Variants in CUX1 observed in about 807,000 individuals in gnomAD.
The protein encoded by CUX1 is protein CASP.
Under a neutral mutation model 158.8 loss-of-function variants are expected in CUX1, and 31 were observed. The observed-to-expected ratio is 0.20, with a 90% CI of 0.15 to 0.26. The LOEUF is 0.26. Ranked by LOEUF, CUX1 falls within the 10% of genes least tolerant of loss-of-function variation. The pLI, the probability that CUX1 is intolerant of heterozygous loss-of-function variation, is 1.00. For synonymous variants in CUX1, 879 were observed against 862.1 expected (o/e 1.02, Z -0.34); for missense variants, 1,589 against 2,014.6 (o/e 0.79, Z 4.04).
Position 102,051,100 on chromosome 7 carries a change from T to A in CUX1, c.190-19239T>A, listed in dbSNP as rs563739600. On this transcript the variant is annotated intron_variant, in intron 3 of 23. Coordinates refer to ENST00000292535, the MANE Select transcript of CUX1 (RefSeq NM_181552.4). ...GCACCTCCCTCCACAGGCTGGCCCC[T>A]GCCTGCCTCCTCACCTCACGTATCC... Among the ~76,000 whole-genome samples, 10 of 152,200 alleles carry A rather than the reference T, an allele frequency of 6.6e-5. No individual in the cohort carries two copies. In the East Asian group the frequency reaches 1.9e-3, roughly 29 times the overall value.
intron 11 of CUX1, among the ~76,000 whole-genome samples, chr7:102,184,433 T>C (rs1793433942): frequency 6.6e-6 from 1 of 152,200 alleles, no homozygotes. Flanking sequence ...TGGCACTTGA[T>C]CATCCTACAT....
chr7:101,891,647 C>G (rs2131645018), intron 1 of CUX1, among the ~76,000 whole-genome samples: 1 of 152,314 alleles, frequency 6.6e-6, no homozygotes, highest in South Asian at 2.1e-4. Context: ...TTAGCAGGGT[C>G]ATAGAAGACG....
intron 1 of CUX1, among the ~76,000 whole-genome samples, chr7:101,879,450 C>G (rs190604071): frequency 6.6e-6 from 1 of 152,356 alleles, no homozygotes; most frequent in East Asian, 1.9e-4. Context: ...TGCAACTTTT[C>G]GCTTTATTGT....
At chr7:101,882,020 AAT>A (rs149497500) in intron 1 of CUX1, among the ~76,000 whole-genome samples, 15,436 of 71,774 alleles carry the variant, frequency 0.22, 981 homozygotes, top group Non-Finnish European at 0.25. Flanking sequence ...TCTACCCAAA[AAT>A]AAAAAAAAAA....
intron 3 of CUX1, among the ~76,000 whole-genome samples, chr7:102,063,579 G>A (rs1825196495): frequency 6.6e-6 from 1 of 151,878 alleles, no homozygotes; most frequent in Non-Finnish European, 1.5e-5. Flanking sequence ...AGTCAAGAGA[G>A]ACGAGGTTTC....
At chr7:101,852,667 A>T (rs1254560922) in intron 1 of CUX1, among the ~76,000 whole-genome samples, 50 of 76,038 alleles carry the variant, frequency 6.6e-4, no homozygotes, top group Admixed American at 1.4e-3. Context: ...CTGCGTTGGA[A>T]TTTTTTTTTT....
intron 15 of CUX1, 124 bp from the exon 16 acceptor site, chr7:102,198,678 G>T: frequency 1.3e-6 from 1 of 794,528 alleles, no homozygotes; most frequent in Non-Finnish European, 2.1e-6. Flanking sequence ...CTCCCGAGTT[G>T]CACAGGCAGC....
chr7:102,266,218 A>G (rs1790801636), intron 14 of CUX1, among the ~76,000 whole-genome samples: 1 of 150,332 alleles, frequency 6.7e-6, no homozygotes, highest in Non-Finnish European at 1.5e-5. Context: ...AAAAAAAAAA[A>G]AAGAGAGAGA....
At chr7:101,870,153 GTTT>G (rs1223133668) in intron 1 of CUX1, among the ~76,000 whole-genome samples, 1 of 104,054 alleles carries the variant, frequency 9.6e-6, no homozygotes. Context: ...TGTTTTTTTT[GTTT>G]TTTTTTTTTT....
rs143269816 is a variant in CUX1 at position 102,052,610 on chromosome 7, C to T, written c.190-17729C>T. On this transcript the variant is annotated intron_variant, in intron 3 of 23. Coordinates refer to ENST00000292535, the MANE Select transcript of CUX1 (RefSeq NM_181552.4). ...TAATGCTTCTATGAACATCCATATACATAAGTTTTTGTGCAGGTAAACACT... is the reference window on the plus strand; with the variant it reads ...TAATGCTTCTATGAACATCCATATATATAAGTTTTTGTGCAGGTAAACACT... Among the ~76,000 whole-genome samples the T allele has an allele frequency of 1.0e-3, 155 of 152,274 alleles. No individual in the cohort carries two copies. In the Middle Eastern group the frequency reaches 0.02, roughly 20 times the overall value.
intron 3 of CUX1, among the ~76,000 whole-genome samples, chr7:102,048,435 G>C (rs1187241581): frequency 1.3e-5 from 2 of 152,178 alleles, no homozygotes; most frequent in African/African-American, 2.4e-5. Flanking sequence ...CGGTTGGAAG[G>C]CGTGGTAGTG....
chr7:102,255,799 T>C lies in CUX1; in HGVS notation c.*6757T>C. The C allele has an allele frequency of 4.1e-6, 4 of 985,128 alleles. No homozygotes were observed. The highest frequency in any genetic ancestry group is 4.8e-6 in the Non-Finnish European group (4 of 829,686). 61.0% of individuals were successfully genotyped at this position (985,128 alleles called of 1,614,324 possible). A position where few individuals can be genotyped will look rare whatever the true frequency, so the allele number is the denominator to read the frequency against. On this transcript the variant is annotated 3_prime_UTR_variant, in exon 24 of 24. Transcript: ENST00000292535. Reference sequence around the variant, plus strand: ...CGGAGCTGCTTTTGTTTTATAATTCTTTTTTCCCCCCTTTTCCTTCTTCTT... The same window carrying C: ...CGGAGCTGCTTTTGTTTTATAATTCCTTTTTCCCCCCTTTTCCTTCTTCTT...
chr7:101,876,992 C>T (rs1260424543), intron 1 of CUX1, among the ~76,000 whole-genome samples: 2 of 152,166 alleles, frequency 1.3e-5, no homozygotes, highest in Admixed American at 6.5e-5. Flanking sequence ...TATCCTTGTA[C>T]ATCCGTGCAG....
intron 6 of CUX1, among the ~76,000 whole-genome samples, chr7:102,110,459 C>T (rs961952769): frequency 6.6e-6 from 1 of 152,086 alleles, no homozygotes; most frequent in Non-Finnish European, 1.5e-5. Flanking sequence ...TAGCTTGTTA[C>T]GTGTTAGTTC....
rs1792054158 is a variant in CUX1, at chr7:101,817,895, G to A, written c.30+226G>A. Among the ~76,000 whole-genome samples, 2 of 152,240 alleles carry A rather than the reference G, an allele frequency of 1.3e-5. No individual in the cohort carries two copies. The highest frequency in any genetic ancestry group is 4.8e-5 in the African/African-American group (2 of 41,462). On this transcript the variant is annotated intron_variant, in intron 1 of 23. Coordinates refer to ENST00000292535, the MANE Select transcript of CUX1 (RefSeq NM_181552.4). The surrounding 1 kb of genome is among the most constrained non-coding windows in gnomAD (Gnocchi z 4.1). The stretch of plus-strand genomic sequence containing the variant: ...AACTTTCCTAACCTGGAGGACTGGT[G>A]ACAGTGACCTACCGCAATACCTTTG...
downstream of CUX1, among the ~76,000 whole-genome samples, chr7:102,260,476 G>A (rs953265480): frequency 1.1e-3 from 122 of 109,840 alleles, 2 homozygotes; most frequent in Non-Finnish European, 8.4e-4. Context: ...GTACAATCTC[G>A]GCTCGCTGCA....
Position 102,183,310 on chromosome 7 carries a change from G to A in CUX1, c.1017+4653G>A, listed in dbSNP as rs572877422. Among the ~76,000 whole-genome samples, 7 of 152,022 alleles carry A rather than the reference G, an allele frequency of 4.6e-5. No homozygotes were observed. In the South Asian group the frequency reaches 8.3e-4, roughly 18 times the overall value. ...ATTACAGGCGTGAGCCATCGCGCCCGGCCCCATCTCTTAATTTTTTTTTTT... is the reference window on the plus strand; with the variant it reads ...ATTACAGGCGTGAGCCATCGCGCCCAGCCCCATCTCTTAATTTTTTTTTTT... On this transcript the variant is annotated intron_variant, in intron 11 of 23. Transcript: ENST00000292535.
chr7:102,275,207 C>A, intron 16 of CUX1: 1 of 1,499,928 alleles, frequency 6.7e-7, no homozygotes, highest in Non-Finnish European at 9.1e-7. Flanking sequence ...CTGGGTTCCA[C>A]CTCCTGCCAC....
At chr7:101,956,254 A>C (rs1226239640) in intron 2 of CUX1, among the ~76,000 whole-genome samples, 1 of 152,126 alleles carries the variant, frequency 6.6e-6, no homozygotes, top group African/African-American at 2.4e-5. Context: ...CTCATTTGAA[A>C]TGAGAATCGC....
Sources: gnomAD v4.1 joint callset for allele counts (sites outside exome capture counted in the v4.1 genomes callset) on GRCh38, gnomAD v4.1.1 for gene constraint, Gnocchi (gnomAD v3.1) non-coding constraint, MANE v1.5 for transcripts, NCBI Gene and HGNC (gene_info 2026-07-23, HGNC 2026-07-21) for gene names.